CLVS1: variants seen among roughly 807,000 people sequenced by gnomAD.
CLVS1 encodes clavesin 1, also known as clavesin-1.
Under a neutral mutation model 33.1 loss-of-function variants are expected in CLVS1, and 10 were observed. The observed-to-expected ratio is 0.30, with a 90% confidence interval of 0.19 to 0.51. CLVS1 has a LOEUF of 0.51. CLVS1 is among the 20% of genes least tolerant of loss of function. The probability of loss-of-function intolerance (pLI) is 0.97; values close to 1 mark genes in which losing one functional copy is unlikely to be tolerated. For synonymous variants in CLVS1, 163 were observed against 166.1 expected, an observed-to-expected ratio of 0.98 and a Z score of 0.14; for missense variants, 343 against 433.4, an observed-to-expected ratio of 0.79 and a Z score of 1.85.
the CLVS1 span, among the ~76,000 whole-genome samples, chr8:60,987,852 G>A: frequency 6.6e-6 from 1 of 152,144 alleles, no homozygotes; most frequent in Non-Finnish European, 1.5e-5. Flanking sequence ...GATTGCTTGA[G>A]CCAGGAGTTC....
intron 2 of CLVS1, among the ~76,000 whole-genome samples, chr8:61,205,362 A>G (rs1263134763): frequency 2.0e-5 from 3 of 152,120 alleles, no homozygotes; most frequent in Non-Finnish European, 2.9e-5. Flanking sequence ...TCTCACATCA[A>G]TGGAATCATA....
chr8:61,187,142 C>T (rs945372494), intron 2 of CLVS1, among the ~76,000 whole-genome samples: 113 of 143,222 alleles, frequency 7.9e-4, no homozygotes, highest in Non-Finnish European at 1.3e-3. Flanking sequence ...ATTTTTTTTT[C>T]CACAGAAAAG....
chr8:61,410,607 C>T (rs2129604021), intron 3 of CLVS1, among the ~76,000 whole-genome samples: 1 of 152,234 alleles, frequency 6.6e-6, no homozygotes, highest in Middle Eastern at 3.4e-3. Context: ...CTCTCCACTC[C>T]ATCAGATTGC....
At chr8:61,227,575 A>C (rs1476911700) in intron 2 of CLVS1, among the ~76,000 whole-genome samples, 1 of 152,204 alleles carries the variant, frequency 6.6e-6, no homozygotes, top group East Asian at 1.9e-4. Context: ...TAAATCTGCC[A>C]ATAAATTTGT....
At chr8:61,320,513 A>G (rs1414910624) in intron 2 of CLVS1, among the ~76,000 whole-genome samples, 1 of 152,230 alleles carries the variant, frequency 6.6e-6, no homozygotes, top group Admixed American at 6.5e-5. Flanking sequence ...AACCATTTGA[A>G]TTAGTTCATT....
At chr8:61,272,333 C>G (rs1322969348) in intron 2 of CLVS1, among the ~76,000 whole-genome samples, 4 of 152,232 alleles carry the variant, frequency 2.6e-5, no homozygotes, top group Non-Finnish European at 4.4e-5. Flanking sequence ...CCGCTCTCTT[C>G]TGGCTTGTAG....
intron 2 of CLVS1, among the ~76,000 whole-genome samples, chr8:61,143,985 A>G (rs1009239507): frequency 1.3e-5 from 2 of 151,390 alleles, no homozygotes; most frequent in Non-Finnish European, 2.9e-5. Flanking sequence ...TACCTAAACT[A>G]GATGAGTTAA....
At chr8:61,391,134 G>C (rs1322759718) in intron 3 of CLVS1, 2 of 152,168 alleles carry the variant, frequency 1.3e-5, no homozygotes, top group Non-Finnish European at 2.9e-5. Flanking sequence ...TTAGAAGATG[G>C]ATAAAATCAA....
intron 3 of CLVS1, among the ~76,000 whole-genome samples, chr8:61,425,099 A>C (rs1815831910): frequency 6.6e-6 from 1 of 152,156 alleles, no homozygotes; most frequent in Admixed American, 6.5e-5. Context: ...GCTAAGGAAT[A>C]CTCGACCTGT....
the CLVS1 span, among the ~76,000 whole-genome samples, chr8:60,974,979 G>T: frequency 1.3e-5 from 2 of 152,092 alleles, no homozygotes; most frequent in Non-Finnish European, 2.9e-5. Context: ...TGAGTGGCTT[G>T]GACTGGAACC....
chr8:61,219,724 A>G (rs557756232), intron 2 of CLVS1, among the ~76,000 whole-genome samples: 45 of 152,298 alleles, frequency 3.0e-4, no homozygotes, highest in African/African-American at 1.1e-3. Flanking sequence ...GAATTGTCAT[A>G]CTGTCTTCCA....
At chr8:61,437,851 T>G (rs1194620836) in intron 3 of CLVS1, among the ~76,000 whole-genome samples, 1 of 152,188 alleles carries the variant, frequency 6.6e-6, no homozygotes, top group Non-Finnish European at 1.5e-5. Context: ...AAGTCCCACA[T>G]GAAGATGGTC....
intron 5 of CLVS1, among the ~76,000 whole-genome samples, chr8:61,467,919 T>C (rs189208370): frequency 1.2e-3 from 189 of 152,368 alleles, no homozygotes; most frequent in African/African-American, 4.3e-3. Flanking sequence ...GGACCTCTTC[T>C]GTCCCCCACA....
the CLVS1 span, among the ~76,000 whole-genome samples, chr8:61,002,751 C>G: frequency 6.6e-6 from 1 of 152,148 alleles, no homozygotes; most frequent in African/African-American, 2.4e-5. Context: ...TGTGGGCCAC[C>G]ATGGTTGGGA....
chr8:61,413,623 C>A (rs1454563759), intron 3 of CLVS1, among the ~76,000 whole-genome samples: 1 of 152,184 alleles, frequency 6.6e-6, no homozygotes, highest in Non-Finnish European at 1.5e-5. Context: ...TCCCTTAACA[C>A]CCTCCCCTTA....
In CLVS1 at chr8:61,089,393, T is replaced by A. The variant is rs1359374773; in HGVS notation, c.-243+32163T>A. 2.0e-5 allele frequency among the ~76,000 whole-genome samples: 3 copies of A among 152,158 alleles called. No homozygotes were observed. In the East Asian group the frequency reaches 5.8e-4, roughly 29 times the overall value. On this transcript the variant is annotated intron_variant, in intron 1 of 2. Transcript: ENST00000522621. Reference sequence around the variant, plus strand: ...AAATGGTGCTGTAGGTTCTGGGACATATGTGGTCCCATGATGTGACTCTTC... The same window carrying A: ...AAATGGTGCTGTAGGTTCTGGGACAAATGTGGTCCCATGATGTGACTCTTC...
At chr8:61,007,716 C>T in the CLVS1 span, among the ~76,000 whole-genome samples, 3 of 152,206 alleles carry the variant, frequency 2.0e-5, no homozygotes, top group Admixed American at 1.3e-4. Context: ...AACACGGGCA[C>T]CTGCCACTGT....
At chr8:61,058,676 C>T (rs1804523963) in intron 1 of CLVS1, among the ~76,000 whole-genome samples, 1 of 152,182 alleles carries the variant, frequency 6.6e-6, no homozygotes, top group African/African-American at 2.4e-5. Context: ...ACAGTTTTCT[C>T]GTGTACTATC....
At chr8:61,297,130 T>G (rs1255743127) in intron 1 of CLVS1, among the ~76,000 whole-genome samples, 1 of 152,046 alleles carries the variant, frequency 6.6e-6, no homozygotes, top group African/African-American at 2.4e-5. Context: ...GGCCAGACAA[T>G]AAATCTGGAG....
Sources: gnomAD v4.1 joint callset for allele counts (sites outside exome capture counted in the v4.1 genomes callset) on GRCh38, gnomAD v4.1.1 for gene constraint, MANE v1.5 for transcripts, NCBI Gene and HGNC (gene_info 2026-07-23, HGNC 2026-07-21) for gene names.